CD200: variants seen among roughly 807,000 people sequenced by gnomAD.
CD200 encodes the protein OX-2 membrane glycoprotein.
CD200 carries 15 observed loss-of-function variants against 30.9 expected under a neutral mutation model. That is an observed-to-expected ratio of 0.49 (90% CI 0.32 to 0.75). The LOEUF (loss-of-function observed/expected upper bound fraction) is 0.75, where lower values mean the gene tolerates loss of function less well. CD200 is among the 30% of genes least tolerant of loss of function. The probability of loss-of-function intolerance (pLI) is 0.03; values close to 1 mark genes in which losing one functional copy is unlikely to be tolerated. For missense variants in CD200, 262 were observed against 324.2 expected (o/e 0.81, Z 1.47); for synonymous variants, 134 against 126.2 (o/e 1.06, Z -0.41).
intron 2 of CD200, among the ~76,000 whole-genome samples, chr3:112,342,179 A>C (rs563194418): frequency 7.9e-5 from 12 of 151,926 alleles, no homozygotes; most frequent in Admixed American, 3.9e-4. Flanking sequence ...TTTGAAAGGG[A>C]GGGTAGGAGG....
chr3:112,344,851 T>C, intron 2 of CD200, 111 bp from the exon 3 acceptor site: 1 of 845,170 alleles, frequency 1.2e-6, no homozygotes, highest in Non-Finnish European at 1.8e-6. Flanking sequence ...TTTTTTGCAT[T>C]TTCTCTTTCT....
intron 5 of CD200, among the ~76,000 whole-genome samples, chr3:112,357,753 C>T (rs921864616): frequency 6.6e-6 from 1 of 152,008 alleles, no homozygotes; most frequent in African/African-American, 2.4e-5. Context: ...TTGGAAACTG[C>T]GAGTTTAAGC....
In CD200 at chr3:112,349,709, T is replaced by C. The variant is rs769523643; in HGVS notation, c.695-3T>C. ...TTCCTTTTTCTTTCTTCAATATCTA[T>C]AGGCTATTGGTTTTCAGTTCCGCTA... On this transcript the variant is annotated splice_region_variant and splice_polypyrimidine_tract_variant and intron_variant, in intron 4 of 5. Transcript: ENST00000315711. 1.2e-6 allele frequency: 2 copies of C among 1,608,322 alleles called. No homozygotes were observed. The highest frequency in any genetic ancestry group is 1.7e-6 in the Non-Finnish European group (2 of 1,177,614).
At chr3:112,361,251 G>T (rs2081735542) in intron 5 of CD200, among the ~76,000 whole-genome samples, 1 of 151,452 alleles carries the variant, frequency 6.6e-6, no homozygotes, top group Non-Finnish European at 1.5e-5. Flanking sequence ...TTACTATGTT[G>T]CCCAGACTGG....
intron 5 of CD200, among the ~76,000 whole-genome samples, chr3:112,358,090 A>G (rs1346428587): frequency 6.6e-6 from 1 of 152,052 alleles, no homozygotes; most frequent in African/African-American, 2.4e-5. Flanking sequence ...GCGCACACAC[A>G]CGCACACGCA....
intron 4 of CD200, 103 bp from the exon 5 acceptor site, chr3:112,349,609 T>G (rs2081491150): frequency 1.3e-6 from 1 of 759,630 alleles, no homozygotes; most frequent in Non-Finnish European, 2.0e-6. Flanking sequence ...AACCTACATA[T>G]GTATGTATTT....
intron 5 of CD200, among the ~76,000 whole-genome samples, chr3:112,356,983 C>T (rs185283672): frequency 6.6e-6 from 1 of 152,246 alleles, no homozygotes; most frequent in Non-Finnish European, 1.5e-5. Flanking sequence ...GCCTAATGGC[C>T]GGGCGCGGTG....
At chr3:112,338,868 T>C (rs2081177586) in intron 1 of CD200, among the ~76,000 whole-genome samples, 1 of 152,164 alleles carries the variant, frequency 6.6e-6, no homozygotes, top group African/African-American at 2.4e-5. Flanking sequence ...GTGTGGTAAT[T>C]ATGGTTATGA....
chr3:112,355,122 C>T (rs2081601867), intron 5 of CD200, among the ~76,000 whole-genome samples: 2 of 152,170 alleles, frequency 1.3e-5, no homozygotes, highest in South Asian at 4.1e-4. Flanking sequence ...TTATGCCTAT[C>T]ACAAATGCTA....
At chr3:112,339,834 G>A (rs1395859878) in intron 1 of CD200, among the ~76,000 whole-genome samples, 1 of 152,238 alleles carries the variant, frequency 6.6e-6, no homozygotes, top group African/African-American at 2.4e-5. Context: ...GATGACTTGA[G>A]GGGAACACAG....
chr3:112,338,289 G>T (rs535518457), intron 1 of CD200, among the ~76,000 whole-genome samples: 2 of 152,192 alleles, frequency 1.3e-5, no homozygotes, highest in East Asian at 3.9e-4. Flanking sequence ...CATCCTGGAT[G>T]ACTTGAGTGC....
rs1367154013 is a variant in CD200 at position 112,333,725 on chromosome 3, T to C, written c.12+501T>C. 4 of 985,324 alleles carry C rather than the reference T, an allele frequency of 4.1e-6. No individual in the cohort carries two copies. In the East Asian group the frequency reaches 4.5e-4, roughly 112 times the overall value. The allele number at this position is 985,324 out of a possible 1,614,324, so 61.0% of individuals were successfully genotyped here. A position where few individuals can be genotyped will look rare whatever the true frequency, so the allele number is the denominator to read the frequency against. Reference sequence around the variant, plus strand: ...CCGGGAGAGCTCCTGCGTCTCCTCTTTGTTATGCAGCCCCTTTCTCCCTCC... The same window carrying C: ...CCGGGAGAGCTCCTGCGTCTCCTCTCTGTTATGCAGCCCCTTTCTCCCTCC... On this transcript the variant is annotated intron_variant, in intron 1 of 5. Coordinates refer to ENST00000315711, the MANE Select transcript of CD200 (RefSeq NM_005944.7).
chr3:112,360,018 C>T (rs1576630139), intron 5 of CD200, among the ~76,000 whole-genome samples: 1 of 152,214 alleles, frequency 6.6e-6, no homozygotes, highest in Non-Finnish European at 1.5e-5. Context: ...AATGTGAAAG[C>T]TCTAAGGCAG....
intron 1 of CD200, chr3:112,336,003 A>G: frequency 6.2e-7 from 1 of 1,609,414 alleles, no homozygotes. Context: ...AAAGACCACC[A>G]TCAATGATTA....
chr3:112,333,141 T>C (rs1023319051), upstream of CD200: 47 of 1,543,492 alleles, frequency 3.0e-5, no homozygotes, highest in Non-Finnish European at 3.3e-5. Flanking sequence ...GTGACGCTCC[T>C]CCCGCCTGCC....
At chr3:112,336,644 A>G (rs1207210589) in intron 1 of CD200, among the ~76,000 whole-genome samples, 2 of 150,758 alleles carry the variant, frequency 1.3e-5, no homozygotes, top group East Asian at 2.0e-4. Context: ...GCTTCAAATT[A>G]TAGTAGCAAC....
At chr3:112,341,940 T>A (rs2081247497) in intron 2 of CD200, among the ~76,000 whole-genome samples, 1 of 152,206 alleles carries the variant, frequency 6.6e-6, no homozygotes, top group Non-Finnish European at 1.5e-5. Context: ...TAGTTTTGAA[T>A]CATGCAATAC....
chr3:112,332,925 A>ATT, upstream of CD200: 2 of 475,254 alleles, frequency 4.2e-6, no homozygotes, highest in East Asian at 4.0e-5. Context: ...AAAAAAAATG[A>ATT]TTTTTTTTTT....
intron 1 of CD200, among the ~76,000 whole-genome samples, chr3:112,340,110 A>G (rs983617572): frequency 3.3e-5 from 5 of 152,248 alleles, no homozygotes; most frequent in African/African-American, 9.6e-5. Context: ...TTTTTTAATC[A>G]TCTCTATTAT....
Sources: allele counts gnomAD v4.1 joint callset (sites outside exome capture counted in the v4.1 genomes callset), GRCh38; gene constraint gnomAD v4.1.1; transcripts MANE v1.5; gene names NCBI Gene and HGNC (gene_info 2026-07-23, HGNC 2026-07-21).